Variants in PTPRM observed in about 807,000 individuals in gnomAD.
The protein encoded by PTPRM is receptor-type tyrosine-protein phosphatase mu.
In PTPRM, 47 loss-of-function variants were observed where a neutral mutation model predicts 186.7. The observed-to-expected ratio is 0.25, with a 90% CI of 0.20 to 0.32. The LOEUF (loss-of-function observed/expected upper bound fraction) is 0.32, where lower values mean the gene tolerates loss of function less well. PTPRM is among the 10% of genes least tolerant of loss of function. The probability of loss-of-function intolerance (pLI) is 1.00; values close to 1 mark genes in which losing one functional copy is unlikely to be tolerated. For missense variants in PTPRM, 1,494 were observed against 1,865.0 expected (o/e 0.80, Z 3.66); for synonymous variants, 668 against 674.9 (o/e 0.99, Z 0.16).
At chr18:7,740,533 T>A (rs2040865629) in intron 1 of PTPRM, among the ~76,000 whole-genome samples, 1 of 152,174 alleles carries the variant, frequency 6.6e-6, no homozygotes, top group Admixed American at 6.5e-5. Flanking sequence ...ATCCTCCTGC[T>A]TCAGCCTCTC....
chr18:7,861,357 T>C (rs1362876324), intron 2 of PTPRM, among the ~76,000 whole-genome samples: 1 of 152,104 alleles, frequency 6.6e-6, no homozygotes, highest in Non-Finnish European at 1.5e-5. Flanking sequence ...TCAGTATTTA[T>C]AGTAATATGA....
intron 1 of PTPRM, among the ~76,000 whole-genome samples, chr18:7,717,198 A>G (rs578092346): frequency 2.1e-4 from 32 of 152,126 alleles, no homozygotes; most frequent in African/African-American, 6.7e-4. Flanking sequence ...TTACATCCCT[A>G]TTTTCCTGCT....
intron 1 of PTPRM, among the ~76,000 whole-genome samples, chr18:7,601,080 C>G (rs1169603749): frequency 6.6e-6 from 1 of 152,300 alleles, no homozygotes; most frequent in African/African-American, 2.4e-5. Flanking sequence ...AGCGGCTGGC[C>G]CAGTGGCGTG....
At chr18:8,156,302 C>T (rs576665169) in intron 14 of PTPRM, among the ~76,000 whole-genome samples, 43 of 152,116 alleles carry the variant, frequency 2.8e-4, no homozygotes, top group Middle Eastern at 3.4e-3. Context: ...ACCAATTTTT[C>T]ATCTTATAGG....
At chr18:8,006,793 C>A (rs1265774389) in intron 7 of PTPRM, among the ~76,000 whole-genome samples, 1 of 152,174 alleles carries the variant, frequency 6.6e-6, no homozygotes, top group Admixed American at 6.5e-5. Context: ...GCAAAAGATG[C>A]ACAGGCAAAG....
intron 14 of PTPRM, among the ~76,000 whole-genome samples, chr18:8,180,789 T>C (rs2093562146): frequency 6.6e-6 from 1 of 152,192 alleles, no homozygotes. Context: ...TGAGATCTTA[T>C]TAGGAAGCTG....
chr18:7,579,593 A>C (rs895954548), intron 1 of PTPRM, among the ~76,000 whole-genome samples: 3 of 152,240 alleles, frequency 2.0e-5, no homozygotes, highest in Non-Finnish European at 4.4e-5. Context: ...ATATCTTGCA[A>C]CTTGGTGACC....
chr18:8,131,666 C>A (rs2092512159), intron 13 of PTPRM, among the ~76,000 whole-genome samples: 1 of 152,092 alleles, frequency 6.6e-6, no homozygotes, highest in Non-Finnish European at 1.5e-5. Flanking sequence ...TAATAGAACT[C>A]TATTATATGG....
intron 13 of PTPRM, among the ~76,000 whole-genome samples, chr18:8,136,472 A>T (rs573413746): frequency 1.1e-4 from 16 of 152,094 alleles, no homozygotes; most frequent in African/African-American, 2.4e-4. Context: ...GAACAAAAAT[A>T]AAAAAAAGAT....
At chr18:7,606,970 C>T (rs1315642359) in intron 1 of PTPRM, among the ~76,000 whole-genome samples, 2 of 152,078 alleles carry the variant, frequency 1.3e-5, no homozygotes, top group African/African-American at 4.8e-5. Context: ...CCACCCAGCT[C>T]ATCTGGGGGC....
intron 7 of PTPRM, among the ~76,000 whole-genome samples, chr18:8,054,641 T>C (rs1416334032): frequency 2.0e-5 from 3 of 152,062 alleles, no homozygotes. Flanking sequence ...CCTGTGTGTA[T>C]GCTCTTGTTG....
intron 2 of PTPRM, among the ~76,000 whole-genome samples, chr18:7,819,313 G>C (rs2045036432): frequency 6.6e-6 from 1 of 152,268 alleles, no homozygotes; most frequent in African/African-American, 2.4e-5. Context: ...TGAGACCCTA[G>C]CAGGTAGATA....
At chr18:7,609,782 G>A (rs2037627745) in intron 1 of PTPRM, among the ~76,000 whole-genome samples, 2 of 152,110 alleles carry the variant, frequency 1.3e-5, no homozygotes, top group Admixed American at 1.3e-4. Flanking sequence ...TTGAGTTAGG[G>A]AGAGTATTTC....
chr18:8,045,436 T>C (rs1239374062), intron 7 of PTPRM, among the ~76,000 whole-genome samples: 1 of 152,246 alleles, frequency 6.6e-6, no homozygotes, highest in Non-Finnish European at 1.5e-5. Context: ...AACTGATGAA[T>C]GGCTTAACAA....
intron 1 of PTPRM, among the ~76,000 whole-genome samples, chr18:7,737,715 C>T (rs1280303734): frequency 6.6e-6 from 1 of 152,216 alleles, no homozygotes; most frequent in African/African-American, 2.4e-5. Context: ...GTTTCCTGTA[C>T]TAGCCCTGTC....
At chr18:7,611,812 C>T (rs2037682121) in intron 1 of PTPRM, among the ~76,000 whole-genome samples, 1 of 152,210 alleles carries the variant, frequency 6.6e-6, no homozygotes, top group East Asian at 1.9e-4. Flanking sequence ...CTTGCTCCTC[C>T]TTGCCTTCTG....
intron 7 of PTPRM, among the ~76,000 whole-genome samples, chr18:7,988,222 CA>C (rs200090021): frequency 2.0e-5 from 3 of 147,884 alleles, no homozygotes; most frequent in African/African-American, 7.5e-5. Flanking sequence ...GACCTTATCT[CA>C]AAAAAAAACC....
At chr18:8,235,501 A>G (rs2094336065) in intron 14 of PTPRM, among the ~76,000 whole-genome samples, 1 of 120,728 alleles carries the variant, frequency 8.3e-6, no homozygotes, top group African/African-American at 3.3e-5. Context: ...AGGTGTATCA[A>G]TTTTACTAAT....
In PTPRM at chr18:7,974,794, A is replaced by G. The variant is rs2054820818; in HGVS notation, c.1132+19380A>G. On this transcript the variant is annotated intron_variant, in intron 7 of 32. Transcript: ENST00000580170. Reference sequence around the variant, plus strand: ...CATAGAATGTAACTTTTTTCTTTCAATCTTTTACGTCAATTAAGGACCGAT... The same window carrying G: ...CATAGAATGTAACTTTTTTCTTTCAGTCTTTTACGTCAATTAAGGACCGAT... Among the ~76,000 whole-genome samples the G allele has an allele frequency of 2.0e-5, 3 of 152,336 alleles. No individual in the cohort carries two copies. In the South Asian group the frequency reaches 6.2e-4, roughly 32 times the overall value.
Sources: allele counts gnomAD v4.1 joint callset (sites outside exome capture counted in the v4.1 genomes callset), GRCh38; gene constraint gnomAD v4.1.1; transcripts MANE v1.5; gene names NCBI Gene and HGNC (gene_info 2026-07-23, HGNC 2026-07-21).